The following FRAS1 variants were observed in gnomAD, a reference collection of about 807,000 sequenced individuals.
The protein encoded by FRAS1 is extracellular matrix organizing protein FRAS1.
FRAS1 carries 290 observed loss-of-function variants against 435.2 expected under a neutral mutation model. The observed-to-expected ratio is 0.67, with a 90% CI of 0.61 to 0.73. The LOEUF is 0.73. Among genes scored for constraint, FRAS1 ranks in the 30% least tolerant of loss-of-function variants. The pLI, the probability that FRAS1 is intolerant of heterozygous loss-of-function variation, is 0.00. For missense variants in FRAS1, 4,860 were observed against 5,001.5 expected (o/e 0.97, Z 0.85); for synonymous variants, 1,800 against 1,851.0 (o/e 0.97, Z 0.71).
At chr4:78,413,557 CA>C (rs1024279802) in intron 32 of FRAS1, among the ~76,000 whole-genome samples, 1 of 152,124 alleles carries the variant, frequency 6.6e-6, no homozygotes, top group African/African-American at 2.4e-5. Flanking sequence ...AGCAGTTATC[CA>C]AGTGAAAATC....
At chr4:78,494,240 T>C (rs1720447793) in intron 59 of FRAS1, among the ~76,000 whole-genome samples, 1 of 152,216 alleles carries the variant, frequency 6.6e-6, no homozygotes, top group African/African-American at 2.4e-5. Flanking sequence ...GGTGTACATG[T>C]AATCTGTTGC....
chr4:78,180,161 T>C (rs1454202809), intron 2 of FRAS1, among the ~76,000 whole-genome samples: 1 of 152,116 alleles, frequency 6.6e-6, no homozygotes, highest in African/African-American at 2.4e-5. Context: ...CTGGATGTGG[T>C]GAACAGGATA....
At chr4:78,293,038 A>G (rs1347439537) in intron 14 of FRAS1, among the ~76,000 whole-genome samples, 1 of 152,166 alleles carries the variant, frequency 6.6e-6, no homozygotes, top group Non-Finnish European at 1.5e-5. Context: ...AGCCTCTTCT[A>G]TGTACCACGC....
At chr4:78,193,366 T>C (rs1435313156) in intron 2 of FRAS1, among the ~76,000 whole-genome samples, 1 of 152,188 alleles carries the variant, frequency 6.6e-6, no homozygotes, top group Non-Finnish European at 1.5e-5. Context: ...ATGTTGACAG[T>C]GGGGTGTTAA....
At chr4:78,305,004 T>C (rs1411629230) in intron 14 of FRAS1, among the ~76,000 whole-genome samples, 1 of 152,252 alleles carries the variant, frequency 6.6e-6, no homozygotes, top group Non-Finnish European at 1.5e-5. Context: ...CATTTAGTGC[T>C]GTAAATTTCC....
intron 2 of FRAS1, among the ~76,000 whole-genome samples, chr4:78,187,649 G>A (rs932990635): frequency 6.6e-6 from 1 of 151,876 alleles, no homozygotes; most frequent in African/African-American, 2.4e-5. Flanking sequence ...TGTTGCCCAG[G>A]CTGGAGTGCA....
chr4:78,069,953 C>G (rs1288113784), intron 2 of FRAS1, among the ~76,000 whole-genome samples: 1 of 152,086 alleles, frequency 6.6e-6, no homozygotes, highest in African/African-American at 2.4e-5. Flanking sequence ...CCAAGTCAGT[C>G]CACTTGTTGT....
At chr4:78,243,987 G>A (rs946537474) in intron 3 of FRAS1, among the ~76,000 whole-genome samples, 5 of 152,084 alleles carry the variant, frequency 3.3e-5, no homozygotes, top group Admixed American at 1.3e-4. Context: ...TTGGGGTTCA[G>A]AGGACACTTT....
At chr4:78,513,117 G>T (rs942645779) in intron 64 of FRAS1, among the ~76,000 whole-genome samples, 1 of 151,896 alleles carries the variant, frequency 6.6e-6, no homozygotes, top group African/African-American at 2.4e-5. Context: ...AAAGTAATTT[G>T]TGGTTGTGAT....
At chr4:78,127,661 A>G (rs2109976244) in intron 2 of FRAS1, among the ~76,000 whole-genome samples, 1 of 147,508 alleles carries the variant, frequency 6.8e-6, no homozygotes, top group East Asian at 1.9e-4. Flanking sequence ...ACAAACAAAC[A>G]ACAACAACAA....
In FRAS1 at chr4:78,419,032, C is replaced by T; in HGVS notation, c.4509C>T (p.Tyr1503=). ...AGAAGCCAAGTGGAAAGATTGTCTA[C>T]AACATCACTCTACCTCTGCATCCAA... ...NSEKPSGKIV[Y]NITLPLHPNQ... The change falls in exon 33 of 74, where the codon TAC becomes TAT. Residue 1503 remains tyrosine (Y), a synonymous_variant. Transcript: ENST00000512123. 1 of 1,591,498 alleles carries T rather than the reference C, an allele frequency of 6.3e-7. No individual in the cohort carries two copies. The highest frequency in any genetic ancestry group is 1.4e-5 in the African/African-American group (1 of 73,718).
chr4:78,120,882 T>TG (rs969389494), intron 2 of FRAS1, among the ~76,000 whole-genome samples: 4 of 151,934 alleles, frequency 2.6e-5, no homozygotes, highest in African/African-American at 7.3e-5. Context: ...GTGATACAGG[T>TG]GGGGGGGATG....
At chr4:78,265,658 C>A (rs2110153047) in intron 7 of FRAS1, among the ~76,000 whole-genome samples, 1 of 152,240 alleles carries the variant, frequency 6.6e-6, no homozygotes, top group Middle Eastern at 3.4e-3. Context: ...ATGAGTTTAA[C>A]AAATTGAATG....
intron 2 of FRAS1, among the ~76,000 whole-genome samples, chr4:78,221,575 C>G (rs1289601495): frequency 6.6e-6 from 1 of 152,228 alleles, no homozygotes; most frequent in African/African-American, 2.4e-5. Flanking sequence ...TCTCCAAATA[C>G]TGTTATTTTC....
chr4:78,084,906 C>T (rs146455969), intron 2 of FRAS1, among the ~76,000 whole-genome samples: 1 of 152,188 alleles, frequency 6.6e-6, no homozygotes, highest in African/African-American at 2.4e-5. Flanking sequence ...GCCTATGCTT[C>T]CATTAAAAAT....
chr4:78,499,830 G>A lies in FRAS1; in HGVS notation c.9225G>A (p.Arg3075=), dbSNP rs760908229. ...IKVIRRGDQN[R]TSKVRCSTRD... is the part of the protein sequence containing the mutation. The stretch of plus-strand genomic sequence containing the variant: ...TGATCCGCAGAGGGGATCAGAACAG[G>A]ACCTCCAAGGTTCGCTGCAGCACGC... The change falls in exon 61 of 74, where the codon AGG becomes AGA. Residue 3075 remains arginine (R), a synonymous_variant. Transcript: ENST00000512123. 4.3e-6 allele frequency: 7 copies of A among 1,613,644 alleles called. No homozygotes were observed. The Admixed American group carries it at 5.0e-5, about 12-fold the overall frequency.
chr4:78,100,867 G>A (rs1297683390), intron 2 of FRAS1, among the ~76,000 whole-genome samples: 6 of 152,200 alleles, frequency 3.9e-5, no homozygotes, highest in Non-Finnish European at 7.3e-5. Context: ...GAGAGCACAC[G>A]TGTTGTGAAG....
intron 5 of FRAS1, 96 bp downstream of exon 5, chr4:78,252,647 C>G (rs1282742976): frequency 1.7e-6 from 2 of 1,177,828 alleles, no homozygotes; most frequent in African/African-American, 3.1e-5. Context: ...TAGGTTCTTT[C>G]TATTTTCCCT....
chr4:78,160,506 C>T (rs1048066066), intron 2 of FRAS1, among the ~76,000 whole-genome samples: 1 of 152,152 alleles, frequency 6.6e-6, no homozygotes, highest in African/African-American at 2.4e-5. Context: ...TTGGATGGGG[C>T]ATATGCACCT....
Sources: gnomAD v4.1 joint callset for allele counts (sites outside exome capture counted in the v4.1 genomes callset) on GRCh38, gnomAD v4.1.1 for gene constraint, MANE v1.5 for transcripts, NCBI Gene and HGNC (gene_info 2026-07-23, HGNC 2026-07-21) for gene names.